Variants in PDE8A observed in about 807,000 individuals in gnomAD.
The protein encoded by PDE8A is phosphodiesterase 8A.
Under a neutral mutation model 105.0 loss-of-function variants are expected in PDE8A, and 59 were observed. The ratio of observed to expected loss-of-function variants is 0.56; its 90% CI spans 0.46 to 0.70. PDE8A has a LOEUF of 0.70. Ranked by LOEUF, PDE8A falls within the 30% of genes least tolerant of loss-of-function variation. The pLI is 0.00. For synonymous variants in PDE8A, 355 were observed against 371.9 expected (o/e 0.95, Z 0.52); for missense variants, 1,014 against 1,045.9 (o/e 0.97, Z 0.42).
intron 1 of PDE8A, among the ~76,000 whole-genome samples, chr15:85,052,515 G>C (rs893279187): frequency 5.9e-5 from 9 of 152,286 alleles, no homozygotes; most frequent in Non-Finnish European, 7.4e-5. Flanking sequence ...GATCGCCATT[G>C]TAACTGGTGT....
At chr15:85,121,918 A>G (rs553559660) in intron 18 of PDE8A, among the ~76,000 whole-genome samples, 59 of 152,302 alleles carry the variant, frequency 3.9e-4, no homozygotes, top group African/African-American at 9.9e-4. Context: ...ACTTAGCACA[A>G]TGTTTTTAAG....
At chr15:85,102,404 G>A (rs904060652) in intron 11 of PDE8A, among the ~76,000 whole-genome samples, 4 of 152,316 alleles carry the variant, frequency 2.6e-5, no homozygotes, top group East Asian at 3.9e-4. Flanking sequence ...GGAGAATGGC[G>A]AGGGCAGAAG....
intron 7 of PDE8A, 129 bp downstream of exon 7, chr15:85,089,545 G>A: frequency 1.8e-6 from 1 of 540,930 alleles, no homozygotes; most frequent in East Asian, 3.0e-5. Flanking sequence ...TTCCTTCGAG[G>A]ATTATCAGAA....
intron 2 of PDE8A, 29 bp downstream of exon 2, chr15:85,064,455 C>T: frequency 6.7e-7 from 1 of 1,495,680 alleles, no homozygotes; most frequent in Admixed American, 1.7e-5. Flanking sequence ...GTATTTTTCA[C>T]ATGCTGATTT....
chr15:84,997,571 T>C (rs2079999924), intron 1 of PDE8A, among the ~76,000 whole-genome samples: 1 of 152,078 alleles, frequency 6.6e-6, no homozygotes, highest in Non-Finnish European at 1.5e-5. Context: ...TATATGATGG[T>C]ACTAATGCTG....
At chr15:85,060,265 A>ACC (rs1466174689) in intron 1 of PDE8A, among the ~76,000 whole-genome samples, 2 of 152,156 alleles carry the variant, frequency 1.3e-5, no homozygotes, top group Admixed American at 6.6e-5. Flanking sequence ...TTTAATTTGA[A>ACC]TTATGCCAGC....
At chr15:85,004,066 TG>T (rs1255882379) in intron 1 of PDE8A, among the ~76,000 whole-genome samples, 4 of 152,348 alleles carry the variant, frequency 2.6e-5, no homozygotes, top group African/African-American at 9.6e-5. Flanking sequence ...CACACTTCAC[TG>T]AAGGCTGGGA....
chr15:84,981,823 G>A (rs1596402215), upstream of PDE8A, among the ~76,000 whole-genome samples: 1 of 151,230 alleles, frequency 6.6e-6, no homozygotes, highest in Non-Finnish European at 1.5e-5. Context: ...GGTAAGGAGA[G>A]CGCAAATCTC....
chr15:85,006,939 A>C (rs2141323503), intron 1 of PDE8A, among the ~76,000 whole-genome samples: 1 of 152,304 alleles, frequency 6.6e-6, no homozygotes, highest in Middle Eastern at 3.4e-3. Context: ...GACATGGAGA[A>C]AGCACCTTCG....
intron 1 of PDE8A, among the ~76,000 whole-genome samples, chr15:85,037,035 A>G (rs2080718569): frequency 2.0e-5 from 3 of 151,534 alleles, no homozygotes; most frequent in Non-Finnish European, 4.4e-5. Context: ...CTTCAAATGA[A>G]GGTTGCAGTG....
Position 85,138,505 on chromosome 15 carries a change from T to TCAAATACCGTGACCAAA in PDE8A, c.*603_*619dup, listed in dbSNP as rs2082449693. 6.6e-6 allele frequency: 1 copy of TCAAATACCGTGACCAAA among 152,646 alleles called. No homozygotes were observed. The highest frequency in any genetic ancestry group is 2.4e-5 in the African/African-American group (1 of 41,450). The allele number at this position is 152,646 out of a possible 1,614,324, so 9.5% of individuals were successfully genotyped here. The stretch of plus-strand genomic sequence containing the variant: ...AAATACTTCAGAGCCAAAGCCAACT[T>TCAAATACCGTGACCAAA]CAAATACCGTGACCAAATTTACATG... On this transcript the variant is annotated 3_prime_UTR_variant, in exon 22 of 22. Transcript: ENST00000394553.
chr15:85,116,287 G>T (rs2082096650), intron 16 of PDE8A, 168 bp downstream of exon 16: 1 of 600,748 alleles, frequency 1.7e-6, no homozygotes, highest in East Asian at 2.8e-5. Context: ...GGGCCTGGGG[G>T]AGAGTCTGCT....
chr15:85,058,130 G>A (rs748200887), intron 1 of PDE8A, among the ~76,000 whole-genome samples: 9 of 152,154 alleles, frequency 5.9e-5, no homozygotes, highest in African/African-American at 9.7e-5. Context: ...GCCCAAGTTG[G>A]AATGTAGTGG....
intron 19 of PDE8A, among the ~76,000 whole-genome samples, chr15:85,124,456 A>G (rs567691770): frequency 3.9e-5 from 6 of 152,254 alleles, no homozygotes; most frequent in East Asian, 1.9e-4. Context: ...CCCAGCTCCT[A>G]TCACCATCCT....
At chr15:85,054,651 C>T (rs745636868) in intron 1 of PDE8A, among the ~76,000 whole-genome samples, 5 of 152,142 alleles carry the variant, frequency 3.3e-5, no homozygotes, top group East Asian at 1.9e-4. Flanking sequence ...TCTGTGGGAT[C>T]GGTGGTTATA....
intron 2 of PDE8A, 88 bp downstream of exon 2, chr15:85,064,514 C>T (rs1014225882): frequency 2.4e-5 from 20 of 820,010 alleles, no homozygotes; most frequent in African/African-American, 2.4e-4. Context: ...TTAAAATAGT[C>T]TTTCATTTAG....
intron 1 of PDE8A, among the ~76,000 whole-genome samples, chr15:84,998,989 C>A (rs1459526680): frequency 6.6e-6 from 1 of 152,096 alleles, no homozygotes; most frequent in Admixed American, 6.5e-5. Flanking sequence ...AGTTTTCAGA[C>A]ACTATGAGTT....
chr15:85,061,789 A>G (rs1416653393), intron 1 of PDE8A, among the ~76,000 whole-genome samples: 20 of 151,808 alleles, frequency 1.3e-4, no homozygotes, highest in Admixed American at 1.3e-3. Flanking sequence ...CTATTTTTTT[A>G]AAGGTTTTTT....
At chr15:85,130,343 C>T (rs1438668050) in intron 20 of PDE8A, among the ~76,000 whole-genome samples, 1 of 152,230 alleles carries the variant, frequency 6.6e-6, no homozygotes, top group Non-Finnish European at 1.5e-5. Flanking sequence ...CATATCAAAG[C>T]ATATGCTATT....
Sources: allele counts gnomAD v4.1 joint callset (sites outside exome capture counted in the v4.1 genomes callset), GRCh38; gene constraint gnomAD v4.1.1; transcripts MANE v1.5; gene names NCBI Gene and HGNC (gene_info 2026-07-23, HGNC 2026-07-21).